Variants in MAGI3 observed in about 807,000 individuals in gnomAD.
MAGI3 encodes membrane associated guanylate kinase, WW and PDZ domain containing 3.
MAGI3 carries 43 observed loss-of-function variants against 121.8 expected under a neutral mutation model. The observed-to-expected ratio is 0.35, with a 90% CI of 0.28 to 0.46. The LOEUF (loss-of-function observed/expected upper bound fraction) is 0.46. Among genes scored for constraint, MAGI3 ranks in the 20% least tolerant of loss-of-function variants. MAGI3 has a pLI of 1.00. For missense variants in MAGI3, 1,547 were observed against 1,797.3 expected (o/e 0.86, Z 2.52); for synonymous variants, 553 against 639.3 (o/e 0.86, Z 2.04).
At chr1:113,488,765 C>A (rs1262224239) in intron 1 of MAGI3, among the ~76,000 whole-genome samples, 1 of 152,104 alleles carries the variant, frequency 6.6e-6, no homozygotes, top group East Asian at 1.9e-4. Context: ...CAGCAGCCTG[C>A]CCTTGCACTA....
rs1653143718 is a variant in MAGI3, at chr1:113,651,191, A to G, written c.2425A>G (p.Lys809Glu). The part of the protein sequence containing the change: ...NGHVLLTVRR[K>E]IFYGEKQPED... Reference sequence around the variant, plus strand: ...CCATGTGTTACTAACTGTCAGACGGAAGATCTTCTATGGAGGTGTGTGAAC... The same window carrying G: ...CCATGTGTTACTAACTGTCAGACGGGAGATCTTCTATGGAGGTGTGTGAAC... Residue 809 changes from lysine (K) to glutamate (E), a missense_variant, in exon 14 of 21, where the codon AAG becomes GAG. Transcript: ENST00000307546. The G allele has an allele frequency of 6.2e-7, 1 of 1,611,634 alleles. No homozygotes were observed. The highest frequency in any genetic ancestry group is 8.5e-7 in the Non-Finnish European group (1 of 1,179,414).
chr1:113,570,713 T>G (rs1170783531), intron 2 of MAGI3, among the ~76,000 whole-genome samples: 1 of 152,196 alleles, frequency 6.6e-6, no homozygotes, highest in Non-Finnish European at 1.5e-5. Flanking sequence ...TCTGTTCATA[T>G]CCTTCGCCCA....
intron 1 of MAGI3, among the ~76,000 whole-genome samples, chr1:113,494,669 A>G (rs943300889): frequency 1.3e-5 from 2 of 149,204 alleles, no homozygotes; most frequent in Non-Finnish European, 2.9e-5. Flanking sequence ...TTTAAAAGGT[A>G]GCATTCATAA....
intron 1 of MAGI3, among the ~76,000 whole-genome samples, chr1:113,475,774 A>G (rs1012268083): frequency 6.6e-6 from 1 of 152,038 alleles, no homozygotes; most frequent in Admixed American, 6.6e-5. Flanking sequence ...CTCTTTTTCT[A>G]TTGATTGGAA....
chr1:113,635,996 T>A (rs1027913289), intron 9 of MAGI3, among the ~76,000 whole-genome samples: 1 of 152,196 alleles, frequency 6.6e-6, no homozygotes, highest in Non-Finnish European at 1.5e-5. Context: ...TCTTCTAGAT[T>A]TTCTAGTTTA....
intron 1 of MAGI3, among the ~76,000 whole-genome samples, chr1:113,476,196 A>G (rs925415529): frequency 5.3e-5 from 8 of 151,878 alleles, no homozygotes; most frequent in African/African-American, 1.7e-4. Context: ...GATTTTTTTG[A>G]AGGGTTTTTT....
At chr1:113,583,265 A>T (rs1648145392) in intron 3 of MAGI3, among the ~76,000 whole-genome samples, 1 of 151,866 alleles carries the variant, frequency 6.6e-6, no homozygotes, top group African/African-American at 2.4e-5. Flanking sequence ...CATTTACATT[A>T]GGTATATCTC....
chr1:113,583,720 G>A (rs1291460271), intron 3 of MAGI3, among the ~76,000 whole-genome samples: 1 of 151,140 alleles, frequency 6.6e-6, no homozygotes, highest in East Asian at 1.9e-4. Flanking sequence ...CTTTTTCATT[G>A]GTTCTTTGCT....
intron 1 of MAGI3, among the ~76,000 whole-genome samples, chr1:113,540,318 C>T (rs1659228002): frequency 6.6e-6 from 1 of 152,198 alleles, no homozygotes; most frequent in Non-Finnish European, 1.5e-5. Context: ...TAATTTCTGA[C>T]TTCACACATG....
intron 1 of MAGI3, among the ~76,000 whole-genome samples, chr1:113,428,138 C>A (rs1025870680): frequency 6.6e-6 from 1 of 152,052 alleles, no homozygotes; most frequent in African/African-American, 2.4e-5. Flanking sequence ...AAGAGAAGTT[C>A]TTAATTTTAG....
chr1:113,506,900 G>A (rs1489523758), intron 1 of MAGI3, among the ~76,000 whole-genome samples: 1 of 152,170 alleles, frequency 6.6e-6, no homozygotes, highest in East Asian at 1.9e-4. Context: ...AGTCGAGCTG[G>A]TGACTGCTGG....
intron 1 of MAGI3, among the ~76,000 whole-genome samples, chr1:113,511,798 G>A (rs1392389454): frequency 6.6e-6 from 1 of 152,142 alleles, no homozygotes; most frequent in Non-Finnish European, 1.5e-5. Flanking sequence ...TCTAAGATAG[G>A]ACATTTAATG....
In MAGI3 at chr1:113,442,951, T is replaced by C. The variant is rs537115975; in HGVS notation, c.316+51602T>C. On this transcript the variant is annotated intron_variant, in intron 1 of 20. Transcript: ENST00000307546. ...GCCCTCAGTTTATATTAGCTGGGCA[T>C]TTCCATCTTGTATTATATTGTAAAT... is the stretch of plus-strand genomic sequence containing the variant. 3.0e-4 allele frequency among the ~76,000 whole-genome samples: 45 copies of C among 152,294 alleles called. No homozygotes were observed. In the South Asian group the frequency reaches 7.5e-3, roughly 25 times the overall value.
chr1:113,673,442 G>C lies in MAGI3; in HGVS notation c.3166G>C (p.Ala1056Pro). 1 of 1,612,794 alleles carries C rather than the reference G, an allele frequency of 6.2e-7. No homozygotes were observed. Among genetic ancestry groups the C allele is most frequent in the Non-Finnish European group, 8.5e-7 (1 of 1,179,856 alleles). ...FILRLAEDGPAIKDGRIHVGD... is the reference protein window; with the variant it reads ...FILRLAEDGPPIKDGRIHVGD... The stretch of plus-strand genomic sequence containing the variant: ...CCTTCGTCTTGCTGAAGATGGTCCT[G>C]CCATCAAAGATGGCAGAATTCATGT... The change falls in exon 19 of 21, where the codon GCC becomes CCC. Residue 1056 changes from alanine (A) to proline (P), a missense_variant. Ala to Pro is a conservative substitution (Grantham distance 27). Coordinates refer to ENST00000307546, the MANE Select transcript of MAGI3 (RefSeq NM_001142782.2).
chr1:113,503,415 G>T lies in MAGI3; in HGVS notation c.317-46100G>T, dbSNP rs1270458749. 1.1e-4 allele frequency among the ~76,000 whole-genome samples: 16 copies of T among 149,974 alleles called. No individual in the cohort carries two copies. The Admixed American group carries it at 1.1e-3, about 10-fold the overall frequency. On this transcript the variant is annotated intron_variant, in intron 1 of 20. Transcript: ENST00000307546. ...TACTGTAAATATTTTTCAATCTTCA[G>T]CTTCATTAACTTCTATAATTTGAAA...
chr1:113,418,755 C>T (rs537277806), intron 1 of MAGI3, among the ~76,000 whole-genome samples: 3 of 152,136 alleles, frequency 2.0e-5, no homozygotes, highest in Admixed American at 1.3e-4. Context: ...TATTTAGACA[C>T]CTGTTTGCAC....
chr1:113,481,707 C>G (rs1656124529), intron 1 of MAGI3, among the ~76,000 whole-genome samples: 1 of 152,122 alleles, frequency 6.6e-6, no homozygotes, highest in Non-Finnish European at 1.5e-5. Flanking sequence ...CCATAAACAA[C>G]TGCATAATAA....
chr1:113,612,761 C>T (rs7554422), intron 6 of MAGI3, among the ~76,000 whole-genome samples: 2,480 of 152,240 alleles, frequency 0.016, 78 homozygotes, highest in African/African-American at 0.056. Flanking sequence ...TGCTAATTAC[C>T]TTGAGTGCTA....
chr1:113,513,822 A>G (rs1317157699), intron 1 of MAGI3, among the ~76,000 whole-genome samples: 9 of 152,222 alleles, frequency 5.9e-5, no homozygotes, highest in Non-Finnish European at 1.3e-4. Flanking sequence ...AAAAGAAACT[A>G]CCATCAGAGT....
Sources: allele counts gnomAD v4.1 joint callset (sites outside exome capture counted in the v4.1 genomes callset), GRCh38; gene constraint gnomAD v4.1.1; transcripts MANE v1.5; gene names NCBI Gene and HGNC (gene_info 2026-07-23, HGNC 2026-07-21).